The following SGCZ variants were observed in gnomAD, a reference collection of about 807,000 sequenced individuals.
The protein encoded by SGCZ is zeta-sarcoglycan.
SGCZ carries 40 observed loss-of-function variants against 41.3 expected under a neutral mutation model. That is an observed-to-expected ratio of 0.97 (90% CI 0.75 to 1.26). The LOEUF is 1.26. Ranked by LOEUF, SGCZ falls within the 50% of genes most tolerant of loss-of-function variation. SGCZ has a pLI of 0.00. For missense variants in SGCZ, 552 were observed against 369.8 expected, an observed-to-expected ratio of 1.49 and a Z score of -4.04; for synonymous variants, 206 against 137.5, an observed-to-expected ratio of 1.50 and a Z score of -3.49.
chr8:14,913,805 G>C (rs1799347886), intron 1 of SGCZ, among the ~76,000 whole-genome samples: 1 of 152,046 alleles, frequency 6.6e-6, no homozygotes, highest in South Asian at 2.1e-4. Context: ...AGGCAAGAAA[G>C]GCAGCACATA....
rs1322714621 is a variant in SGCZ, at chr8:14,089,615, A to G, written c.*828T>C. On this transcript the variant is annotated 3_prime_UTR_variant, in exon 8 of 8. Coordinates refer to ENST00000382080, the MANE Select transcript of SGCZ (RefSeq NM_139167.4). Reference sequence around the variant, plus strand: ...TCTATGGATTTAATACCATCAACATATCCTTCTTAATCCTGTCTTATATTG... The same window carrying G: ...TCTATGGATTTAATACCATCAACATGTCCTTCTTAATCCTGTCTTATATTG... Among the ~76,000 whole-genome samples, 3 of 152,034 alleles carry G rather than the reference A, an allele frequency of 2.0e-5. No individual in the cohort carries two copies. The highest frequency in any genetic ancestry group is 4.8e-5 in the African/African-American group (2 of 41,432).
chr8:14,528,320 C>A (rs181484337), intron 2 of SGCZ, among the ~76,000 whole-genome samples: 34 of 152,088 alleles, frequency 2.2e-4, no homozygotes, highest in African/African-American at 8.0e-4. Flanking sequence ...AAGCATGCGA[C>A]GGATTAAAAA....
intron 1 of SGCZ, among the ~76,000 whole-genome samples, chr8:15,005,731 C>A (rs1436955251): frequency 6.6e-6 from 1 of 151,854 alleles, no homozygotes; most frequent in African/African-American, 2.4e-5. Flanking sequence ...TCATAAGAAG[C>A]AAATTGAACC....
intron 1 of SGCZ, among the ~76,000 whole-genome samples, chr8:15,112,240 A>G (rs1173663806): frequency 6.6e-6 from 1 of 152,238 alleles, no homozygotes; most frequent in East Asian, 1.9e-4. Flanking sequence ...ATATACCACC[A>G]GCACTACCCT....
rs143652101 is a variant in SGCZ at position 14,327,839 on chromosome 8, G to A, written c.235-3635C>T. On this transcript the variant is annotated intron_variant, in intron 2 of 7. Coordinates refer to ENST00000382080, the MANE Select transcript of SGCZ (RefSeq NM_139167.4). ...CTCTTTCGCCAGGCTGGAGTGCAGC[G>A]GCGCAATCTTGGCTCACTGCAACCT... Among the ~76,000 whole-genome samples the A allele has an allele frequency of 3.5e-3, 533 of 152,210 alleles. 4 individuals carry two copies. Among genetic ancestry groups the A allele is most frequent in the Non-Finnish European group, 6.1e-3 (417 of 68,006 alleles).
At chr8:14,397,341 T>C (rs1798947698) in intron 2 of SGCZ, among the ~76,000 whole-genome samples, 2 of 152,090 alleles carry the variant, frequency 1.3e-5, no homozygotes, top group East Asian at 1.9e-4. Flanking sequence ...TATAATTAGG[T>C]CTCCTTCCCA....
At chr8:14,903,872 A>G (rs1351267814) in intron 1 of SGCZ, among the ~76,000 whole-genome samples, 1 of 152,062 alleles carries the variant, frequency 6.6e-6, no homozygotes, top group Non-Finnish European at 1.5e-5. Context: ...TAGAATAAAT[A>G]TACAGAAATC....
At chr8:14,142,016 A>G (rs1239105478) in intron 5 of SGCZ, among the ~76,000 whole-genome samples, 1 of 152,228 alleles carries the variant, frequency 6.6e-6, no homozygotes, top group East Asian at 1.9e-4. Flanking sequence ...TGTCCTTTGT[A>G]GGCACATGGA....
chr8:14,259,210 T>C (rs1799566369), intron 3 of SGCZ, among the ~76,000 whole-genome samples: 1 of 152,292 alleles, frequency 6.6e-6, no homozygotes, highest in Middle Eastern at 3.4e-3. Context: ...ACTGAGTTAA[T>C]TAAAAACACA....
At chr8:15,064,587 G>C (rs1428505186) in intron 1 of SGCZ, among the ~76,000 whole-genome samples, 1 of 147,088 alleles carries the variant, frequency 6.8e-6, no homozygotes, top group African/African-American at 2.6e-5. Context: ...AAGAACTGAA[G>C]TTTCAGCCAA....
At position 14,223,407 on chromosome 8, in the gene SGCZ, A is replaced by G. The variant is rs189118555; in HGVS notation, c.424+14185T>C. On this transcript the variant is annotated intron_variant, in intron 4 of 7. Coordinates refer to ENST00000382080, the MANE Select transcript of SGCZ (RefSeq NM_139167.4). ...ACGGATAACTTTAATAAATAAAGACATATACTATAGAGTTCAGATTATTTT... is the reference window on the plus strand; with the variant it reads ...ACGGATAACTTTAATAAATAAAGACGTATACTATAGAGTTCAGATTATTTT... 2.7e-3 allele frequency among the ~76,000 whole-genome samples: 414 copies of G among 152,206 alleles called. 1 individual carries two copies. Among genetic ancestry groups the G allele is most frequent in the Middle Eastern group, 0.01 (3 of 294 alleles).
intron 1 of SGCZ, among the ~76,000 whole-genome samples, chr8:15,002,683 AT>A (rs1802469465): frequency 6.6e-6 from 1 of 152,126 alleles, no homozygotes; most frequent in Admixed American, 6.5e-5. Context: ...TTTAGTTTCC[AT>A]TTTGTCCATC....
At chr8:14,912,448 T>C (rs1023110203) in intron 1 of SGCZ, among the ~76,000 whole-genome samples, 71 of 152,210 alleles carry the variant, frequency 4.7e-4, no homozygotes, top group African/African-American at 1.7e-3. Context: ...ATACTACATG[T>C]TGAGAACTAT....
intron 1 of SGCZ, among the ~76,000 whole-genome samples, chr8:15,089,753 G>A (rs754788721): frequency 4.6e-5 from 7 of 152,066 alleles, no homozygotes; most frequent in South Asian, 2.1e-4. Flanking sequence ...TTACAGCTGC[G>A]TCATGTACAC....
chr8:14,548,458 A>C (rs1563402059), intron 2 of SGCZ, among the ~76,000 whole-genome samples: 1 of 152,196 alleles, frequency 6.6e-6, no homozygotes, highest in African/African-American at 2.4e-5. Context: ...CATATAAAAA[A>C]CATCCTGATT....
intron 2 of SGCZ, among the ~76,000 whole-genome samples, chr8:14,476,975 T>A (rs1007636530): frequency 6.6e-6 from 1 of 152,192 alleles, no homozygotes; most frequent in African/African-American, 2.4e-5. Context: ...ATACTTGCTA[T>A]CCACACTATA....
At chr8:14,782,508 C>T (rs969541298) in intron 1 of SGCZ, among the ~76,000 whole-genome samples, 9 of 152,102 alleles carry the variant, frequency 5.9e-5, no homozygotes, top group African/African-American at 2.2e-4. Flanking sequence ...AAGAAAAAGA[C>T]AACTCACAAA....
intron 2 of SGCZ, among the ~76,000 whole-genome samples, chr8:14,530,720 T>G (rs1803101714): frequency 6.6e-6 from 1 of 152,102 alleles, no homozygotes; most frequent in African/African-American, 2.4e-5. Flanking sequence ...CAGTAGTGCT[T>G]GCTTATAGCC....
At chr8:14,352,643 G>T (rs1172808988) in intron 2 of SGCZ, among the ~76,000 whole-genome samples, 1 of 152,078 alleles carries the variant, frequency 6.6e-6, no homozygotes, top group Non-Finnish European at 1.5e-5. Flanking sequence ...AGCCCGTAGA[G>T]CTTGTTCCCA....
Sources: allele counts gnomAD v4.1 joint callset (sites outside exome capture counted in the v4.1 genomes callset), GRCh38; gene constraint gnomAD v4.1.1; transcripts MANE v1.5; gene names NCBI Gene and HGNC (gene_info 2026-07-23, HGNC 2026-07-21).